The following PTPRD variants were observed in gnomAD, a reference collection of about 807,000 sequenced individuals.
PTPRD encodes receptor-type tyrosine-protein phosphatase delta.
PTPRD carries 34 observed loss-of-function variants against 214.5 expected under a neutral mutation model. The observed-to-expected ratio is 0.16, with a 90% CI of 0.12 to 0.21. The LOEUF (loss-of-function observed/expected upper bound fraction) is 0.21, where lower values mean the gene tolerates loss of function less well. PTPRD is among the 10% of genes least tolerant of loss of function. The probability of loss-of-function intolerance (pLI) is 1.00; values close to 1 mark genes in which losing one functional copy is unlikely to be tolerated. For missense variants in PTPRD, 2,545 were observed against 2,398.7 expected (o/e 1.06, Z -1.27); for synonymous variants, 1,128 against 845.7 (o/e 1.33, Z -5.79).
At chr9:9,023,599 A>G (rs2099576775) in intron 10 of PTPRD, among the ~76,000 whole-genome samples, 1 of 152,028 alleles carries the variant, frequency 6.6e-6, no homozygotes, top group South Asian at 2.1e-4. Context: ...ACAGGGGTAT[A>G]TCGCATCCAG....
At chr9:8,584,915 G>C (rs569947475) in intron 14 of PTPRD, among the ~76,000 whole-genome samples, 1 of 152,272 alleles carries the variant, frequency 6.6e-6, no homozygotes, top group African/African-American at 2.4e-5. Flanking sequence ...CAAAGGGCGG[G>C]AAAAGTCCCT....
intron 7 of PTPRD, among the ~76,000 whole-genome samples, chr9:9,711,771 C>A (rs999688889): frequency 6.6e-6 from 1 of 152,122 alleles, no homozygotes; most frequent in Non-Finnish European, 1.5e-5. Flanking sequence ...CCTTAAATGT[C>A]AATAGTGCAG....
At chr9:10,257,319 T>C (rs2093356906) in intron 3 of PTPRD, among the ~76,000 whole-genome samples, 1 of 152,162 alleles carries the variant, frequency 6.6e-6, no homozygotes, top group Non-Finnish European at 1.5e-5. Context: ...ACTCAAATCT[T>C]TATGTAATTA....
At chr9:8,547,612 C>T (rs936229352) in intron 14 of PTPRD, among the ~76,000 whole-genome samples, 2 of 148,642 alleles carry the variant, frequency 1.3e-5, no homozygotes, top group Admixed American at 1.3e-4. Flanking sequence ...CACCGCACTC[C>T]AGCCTGCGTG....
chr9:10,519,475 T>G (rs563296370), intron 2 of PTPRD, among the ~76,000 whole-genome samples: 12 of 152,124 alleles, frequency 7.9e-5, no homozygotes, highest in African/African-American at 2.7e-4. Flanking sequence ...ACAAAATGTT[T>G]GGCAGAATTT....
At chr9:9,858,404 A>C (rs1473240893) in intron 5 of PTPRD, among the ~76,000 whole-genome samples, 1 of 152,222 alleles carries the variant, frequency 6.6e-6, no homozygotes, top group Non-Finnish European at 1.5e-5. Context: ...CTGCTCTCAA[A>C]TTTGGTGCAT....
chr9:9,758,451 T>A (rs112568928), intron 6 of PTPRD, among the ~76,000 whole-genome samples: 1,929 of 152,154 alleles, frequency 0.013, 26 homozygotes, highest in African/African-American at 0.027. Context: ...TCTGCCACAT[T>A]AGGCAACACT....
chr9:8,936,810 T>C (rs1471228422), intron 11 of PTPRD, among the ~76,000 whole-genome samples: 1 of 152,222 alleles, frequency 6.6e-6, no homozygotes, highest in African/African-American at 2.4e-5. Context: ...TAAAGGTTTA[T>C]ATGGTGAACA....
intron 2 of PTPRD, among the ~76,000 whole-genome samples, chr9:10,374,657 G>A (rs1267087460): frequency 6.6e-6 from 1 of 151,998 alleles, no homozygotes; most frequent in Non-Finnish European, 1.5e-5. Context: ...GTGGGAGGTG[G>A]TAATATGAAG....
At chr9:9,188,805 A>G (rs1241910819) in intron 9 of PTPRD, among the ~76,000 whole-genome samples, 1 of 84,868 alleles carries the variant, frequency 1.2e-5, no homozygotes, top group African/African-American at 4.7e-5. Context: ...AGTGCAAAAT[A>G]AATTGTGTGT....
At chr9:9,086,937 C>A (rs2099767917) in intron 10 of PTPRD, among the ~76,000 whole-genome samples, 1 of 152,006 alleles carries the variant, frequency 6.6e-6, no homozygotes, top group African/African-American at 2.4e-5. Flanking sequence ...AAACAGATGC[C>A]ATGGGGAAGA....
At chr9:9,077,365 A>C (rs2099752798) in intron 10 of PTPRD, among the ~76,000 whole-genome samples, 1 of 152,104 alleles carries the variant, frequency 6.6e-6, no homozygotes, top group African/African-American at 2.4e-5. Context: ...ATGGGGATGA[A>C]TTCAGGTGAC....
chr9:8,330,340 T>A (rs1838868399), intron 44 of PTPRD, among the ~76,000 whole-genome samples: 1 of 152,080 alleles, frequency 6.6e-6, no homozygotes, highest in African/African-American at 2.4e-5. Flanking sequence ...AAGTACATTG[T>A]TGTTTGTTTA....
chr9:8,485,370 G>T, intron 28 of PTPRD, 46 bp from the exon 29 acceptor site: 2 of 1,372,328 alleles, frequency 1.5e-6, no homozygotes, highest in Non-Finnish European at 2.1e-6. Flanking sequence ...TCTTAAAACA[G>T]ATGACCTGTC....
intron 8 of PTPRD, among the ~76,000 whole-genome samples, chr9:9,484,731 A>G (rs2095556777): frequency 1.3e-5 from 2 of 152,132 alleles, no homozygotes; most frequent in Admixed American, 6.6e-5. Context: ...ACGAGGTCAT[A>G]TAGGTATTAC....
intron 35 of PTPRD, among the ~76,000 whole-genome samples, chr9:8,405,802 C>T (rs971435209): frequency 4.0e-5 from 6 of 151,786 alleles, no homozygotes; most frequent in Admixed American, 1.3e-4. Context: ...TTTTTGATGC[C>T]GGGTATTTTT....
intron 8 of PTPRD, among the ~76,000 whole-genome samples, chr9:9,470,416 A>T (rs1374059431): frequency 1.3e-5 from 2 of 152,210 alleles, no homozygotes. Context: ...CACATTAAAG[A>T]ATAAATAATA....
rs552602175 is a variant in PTPRD at position 10,080,209 on chromosome 9, C to A, written c.-544-46419G>T. On this transcript the variant is annotated intron_variant, in intron 3 of 45. Coordinates refer to ENST00000381196, the MANE Select transcript of PTPRD (RefSeq NM_002839.4). ...AAAGGAAACTAGCTACAAATCATCA[C>A]CATTATAGCTGGTAGCACAGAGTAG... 1.1e-4 allele frequency among the ~76,000 whole-genome samples: 16 copies of A among 152,198 alleles called. No homozygotes were observed. The South Asian group carries it at 3.3e-3, about 32-fold the overall frequency.
At chr9:10,318,209 G>A (rs904047427) in intron 3 of PTPRD, among the ~76,000 whole-genome samples, 5 of 151,892 alleles carry the variant, frequency 3.3e-5, no homozygotes, top group African/African-American at 1.2e-4. Context: ...ACTGCCTTTG[G>A]TTAAGTCAAC....
Sources: gnomAD v4.1 joint callset for allele counts (sites outside exome capture counted in the v4.1 genomes callset) on GRCh38, gnomAD v4.1.1 for gene constraint, MANE v1.5 for transcripts, NCBI Gene and HGNC (gene_info 2026-07-23, HGNC 2026-07-21) for gene names.